The following SLC37A2 variants were observed in gnomAD, a reference collection of about 807,000 sequenced individuals.
The protein encoded by SLC37A2 is glucose-6-phosphate exchanger SLC37A2.
SLC37A2 carries 59 observed loss-of-function variants against 70.7 expected under a neutral mutation model. The ratio of observed to expected loss-of-function variants is 0.83; its 90% CI spans 0.68 to 1.04. The LOEUF (loss-of-function observed/expected upper bound fraction) is 1.04, where lower values mean the gene tolerates loss of function less well. Among genes scored for constraint, SLC37A2 ranks in the 50% least tolerant of loss-of-function variants. The pLI is 0.00. For missense variants in SLC37A2, 580 were observed against 658.1 expected, an observed-to-expected ratio of 0.88 and a Z score of 1.30; for synonymous variants, 257 against 262.1, an observed-to-expected ratio of 0.98 and a Z score of 0.19.
rs910338173 is a variant in SLC37A2 at position 125,077,100 on chromosome 11, G to A, written c.142-130G>A. On this transcript the variant is annotated intron_variant, in intron 2 of 17. Coordinates refer to ENST00000403796, the MANE Select transcript of SLC37A2 (RefSeq NM_001145290.2). Reference sequence around the variant, plus strand: ...CTGCTTTCCCCTGCAGCCAGTTCCTGCAGGAGGAGGTGCCAGTAGCGGGGA... The same window carrying A: ...CTGCTTTCCCCTGCAGCCAGTTCCTACAGGAGGAGGTGCCAGTAGCGGGGA... 10 of 803,126 alleles carry A rather than the reference G, an allele frequency of 1.2e-5. No homozygotes were observed. The African/African-American group carries it at 1.6e-4, about 12-fold the overall frequency. 49.7% of individuals were successfully genotyped at this position (803,126 alleles called of 1,614,324 possible).
rs1431701894 is a variant in SLC37A2 at position 125,063,382 on chromosome 11, G to T, written c.15G>T (p.Leu5=). 4 of 1,611,978 alleles carry T rather than the reference G, an allele frequency of 2.5e-6. No homozygotes were observed. The highest frequency in any genetic ancestry group is 3.4e-6 in the Non-Finnish European group (4 of 1,179,210). MRSS[L]APGVWFFRAF... ...GGTCAGGCAAAATGCGGTCCTCCCTGGCTCCGGGAGTCTGGTTCTTCCGGG... is the reference window on the plus strand; with the variant it reads ...GGTCAGGCAAAATGCGGTCCTCCCTTGCTCCGGGAGTCTGGTTCTTCCGGG... Residue 5 remains leucine, a synonymous_variant, in exon 1 of 18, where the codon CTG becomes CTT. Coordinates refer to ENST00000403796, the MANE Select transcript of SLC37A2 (RefSeq NM_001145290.2). The surrounding 1 kb of genome is among the most constrained non-coding windows in gnomAD (Gnocchi z 5.4).
intron 14 of SLC37A2, 33 bp downstream of exon 14, chr11:125,085,172 CGTTCTGGGGGCT>C (rs766191594): frequency 6.2e-7 from 1 of 1,600,262 alleles, no homozygotes; most frequent in Admixed American, 1.7e-5. Flanking sequence ...GGCCAGGGAC[CGTTCTGGGGGCT>C]TGGTCAGGGC....
chr11:125,069,751 C>T (rs544674330), intron 1 of SLC37A2, among the ~76,000 whole-genome samples: 32 of 152,322 alleles, frequency 2.1e-4, no homozygotes, highest in South Asian at 1.0e-3. Flanking sequence ...AGTCATGTGG[C>T]GCCAGGTGTG....
chr11:125,075,804 C>T (rs1269620960), intron 1 of SLC37A2, among the ~76,000 whole-genome samples: 1 of 152,182 alleles, frequency 6.6e-6, no homozygotes, highest in African/African-American at 2.4e-5. Flanking sequence ...CCCTTGGGCT[C>T]TTGGAGCCAG....
rs775389672 is a variant in SLC37A2, at chr11:125,077,497, C to G, written c.283C>G (p.Leu95Val). The part of the protein sequence containing the change: ...ELLGGVDNAF[L>V]IAYAIGMFIS... ...ACTAGGGGGCGTGGACAACGCCTTCCTCATCGCCTATGCCATCGGCATGTT... is the reference window on the plus strand; with the variant it reads ...ACTAGGGGGCGTGGACAACGCCTTCGTCATCGCCTATGCCATCGGCATGTT... The change falls in exon 4 of 18, where the codon CTC (leucine) becomes GTC (valine). Residue 95 changes from leucine (L) to valine (V), a missense_variant. Transcript: ENST00000403796. 84 of 1,613,834 alleles carry G rather than the reference C, an allele frequency of 5.2e-5. 1 individual carries two copies. In the South Asian group the frequency reaches 9.0e-4, roughly 17 times the overall value.
In SLC37A2 at chr11:125,077,477, G is replaced by C. The variant is rs767892855; in HGVS notation, c.263G>C (p.Gly88Ala). 11 of 1,613,922 alleles carry C rather than the reference G, an allele frequency of 6.8e-6. No individual in the cohort carries two copies. Among genetic ancestry groups the C allele is most frequent in the Non-Finnish European group, 7.6e-6 (9 of 1,179,924 alleles). The change falls in exon 4 of 18, where the codon GGG (glycine) becomes GCG (alanine). Residue 88 changes from glycine to alanine, a missense_variant. By Grantham distance (60) the Gly-to-Ala change is moderately conservative. Coordinates refer to ENST00000403796, the MANE Select transcript of SLC37A2 (RefSeq NM_001145290.2). The part of the protein sequence containing the change: ...FDKDNYKELL[G>A]GVDNAFLIAY... ...AAGGACAACTATAAGGAGTTACTAG[G>C]GGGCGTGGACAACGCCTTCCTCATC...
In SLC37A2 at chr11:125,088,563, C is replaced by T. The variant is rs3824926; in HGVS notation, c.*429C>T. Reference sequence around the variant, plus strand: ...ATCTATAGGTGGGCATCTCACTCCACCAAAGGAGCCCAGCCTCTCTTTGTC... The same window carrying T: ...ATCTATAGGTGGGCATCTCACTCCATCAAAGGAGCCCAGCCTCTCTTTGTC... On this transcript the variant is annotated 3_prime_UTR_variant, in exon 18 of 18. Coordinates refer to ENST00000403796, the MANE Select transcript of SLC37A2 (RefSeq NM_001145290.2). 0.77 allele frequency: 124,478 copies of T among 162,642 alleles called. 47,987 individuals are homozygous for T. Among genetic ancestry groups the T allele is most frequent in the African/African-American group, 0.87 (36,558 of 41,886 alleles). The allele number at this position is 162,642 out of a possible 1,614,324, so 10.1% of individuals were successfully genotyped here.
At position 125,079,076 on chromosome 11, in the gene SLC37A2, G is replaced by A. The variant is rs114779325; in HGVS notation, c.315-36G>A. On this transcript the variant is annotated intron_variant, in intron 4 of 17. Transcript: ENST00000403796. ...GGTAGGGAGTTGAGGTGGACACAGA[G>A]GAGCTTAACCGCAGATCCAACTTTC... The A allele has an allele frequency of 2.3e-3, 3,762 of 1,613,568 alleles. 78 individuals carry two copies. The African/African-American group carries it at 0.044, about 19-fold the overall frequency.
rs1426926101 is a variant in SLC37A2, at chr11:125,077,440, C to T, written c.236-10C>T. 1 of 1,612,522 alleles carries T rather than the reference C, an allele frequency of 6.2e-7. No individual in the cohort carries two copies. The highest frequency in any genetic ancestry group is 1.3e-5 in the African/African-American group (1 of 74,886). Reference sequence around the variant, plus strand: ...GCAGTCAGCTTTCTGTTTCTCCCATCTGCTTTCAGACAAGGACAACTATAA... The same window carrying T: ...GCAGTCAGCTTTCTGTTTCTCCCATTTGCTTTCAGACAAGGACAACTATAA... On this transcript the variant is annotated splice_polypyrimidine_tract_variant and intron_variant, in intron 3 of 17. Coordinates refer to ENST00000403796, the MANE Select transcript of SLC37A2 (RefSeq NM_001145290.2).
intron 17 of SLC37A2, 32 bp from the exon 18 acceptor site, chr11:125,088,087 T>C: frequency 6.4e-7 from 1 of 1,551,676 alleles, no homozygotes; most frequent in Non-Finnish European, 8.7e-7. Context: ...CATCTCACTT[T>C]CTCTTCTGTC....
intron 11 of SLC37A2, 93 bp from the exon 12 acceptor site, chr11:125,084,141 C>T: frequency 7.0e-7 from 1 of 1,420,532 alleles, no homozygotes; most frequent in Non-Finnish European, 9.9e-7. Flanking sequence ...TGCTGACAGG[C>T]CCAGGCCAGC....
At position 125,081,831 on chromosome 11, in the gene SLC37A2, GA is replaced by G; in HGVS notation, c.811del (p.Thr271LeufsTer76). ...GCTCTATCAGGGAGAGCGGCCTTGA[GA>G]CTGTGGCCAAATGCTCCAAGGGGCC... Reference protein sequence around the residue: ...PCSIRESGLETVAKCSKGPCE... With the variant: ...PCSIRESGLEXVAKCSKGPCE... On this transcript the variant is annotated frameshift_variant, in exon 9 of 18. Coordinates refer to ENST00000403796, the MANE Select transcript of SLC37A2 (RefSeq NM_001145290.2). LOFTEE classifies it high-confidence loss of function. 1 of 1,614,064 alleles carries G rather than the reference GA, an allele frequency of 6.2e-7. No homozygotes were observed. Among genetic ancestry groups the G allele is most frequent in the Non-Finnish European group, 8.5e-7 (1 of 1,179,950 alleles).
intron 17 of SLC37A2, 142 bp downstream of exon 17, chr11:125,086,160 C>T: frequency 6.3e-7 from 1 of 1,583,244 alleles, no homozygotes; most frequent in Non-Finnish European, 8.7e-7. Context: ...GGGTGGCCCT[C>T]ACCCTGCTAA....
At chr11:125,086,122 A>G (rs1949212579) in intron 17 of SLC37A2, 104 bp downstream of exon 17, 5 of 1,525,796 alleles carry the variant, frequency 3.3e-6, no homozygotes, top group South Asian at 1.1e-5. Context: ...CGACCAGCCC[A>G]GACCTGAGGA....
At chr11:125,072,846 C>T (rs1314972815) in intron 1 of SLC37A2, among the ~76,000 whole-genome samples, 1 of 152,172 alleles carries the variant, frequency 6.6e-6, no homozygotes, top group Non-Finnish European at 1.5e-5. Context: ...TCAGAGGAGG[C>T]CCAGCTCTGA....
At position 125,085,687 on chromosome 11, in the gene SLC37A2, G is replaced by C; in HGVS notation, c.1425+13G>C. The C allele has an allele frequency of 6.2e-7, 1 of 1,610,532 alleles. No individual in the cohort carries two copies. Among genetic ancestry groups the C allele is most frequent in the Non-Finnish European group, 8.5e-7 (1 of 1,179,272 alleles). ...CCTAGCCTGCTTGGTAAGAGTCTTGGGGTACACAGATAGGTATTGAGGGAT... is the reference window on the plus strand; with the variant it reads ...CCTAGCCTGCTTGGTAAGAGTCTTGCGGTACACAGATAGGTATTGAGGGAT... On this transcript the variant is annotated intron_variant, in intron 16 of 17. Transcript: ENST00000403796.
intron 5 of SLC37A2, 77 bp from the exon 6 acceptor site, chr11:125,079,607 C>A: frequency 8.3e-7 from 1 of 1,204,544 alleles, no homozygotes; most frequent in Non-Finnish European, 1.2e-6. Flanking sequence ...TGAACCTCCT[C>A]AGCCCAGGGT....
intron 7 of SLC37A2, 121 bp from the exon 8 acceptor site, chr11:125,081,300 T>G: frequency 2.1e-6 from 2 of 936,970 alleles, no homozygotes; most frequent in Non-Finnish European, 3.2e-6. Context: ...CCTTAGGAGC[T>G]GGAGGCGGGG....
Position 125,063,339 on chromosome 11 carries a change from G to A in SLC37A2, c.-29G>A, listed in dbSNP as rs1948948297. On this transcript the variant is annotated 5_prime_UTR_variant, in exon 1 of 18. Coordinates refer to ENST00000403796, the MANE Select transcript of SLC37A2 (RefSeq NM_001145290.2). The surrounding 1 kb of genome is among the most constrained non-coding windows in gnomAD (Gnocchi z 5.4). ...GCCCAGCTCTGTAGCCTCCTCCGTC[G>A]ACTCAGCCTTAGGTACCGGTCAGGC... 7.5e-6 allele frequency: 12 copies of A among 1,600,436 alleles called. No individual in the cohort carries two copies. The highest frequency in any genetic ancestry group is 1.3e-5 in the African/African-American group (1 of 74,200).
Sources: gnomAD v4.1 joint callset for allele counts (sites outside exome capture counted in the v4.1 genomes callset) on GRCh38, gnomAD v4.1.1 for gene constraint, Gnocchi (gnomAD v3.1) non-coding constraint, MANE v1.5 for transcripts, NCBI Gene and HGNC (gene_info 2026-07-23, HGNC 2026-07-21) for gene names.